Variants in DLG2 observed in about 807,000 individuals in gnomAD.
The protein encoded by DLG2 is disks large homolog 2.
DLG2 carries 45 observed loss-of-function variants against 132.5 expected under a neutral mutation model. The observed-to-expected ratio is 0.34, with a 90% CI of 0.27 to 0.44. DLG2 has a LOEUF of 0.44. Among genes scored for constraint, DLG2 ranks in the 20% least tolerant of loss-of-function variants. The probability of loss-of-function intolerance (pLI) is 1.00; values close to 1 mark genes in which losing one functional copy is unlikely to be tolerated. For missense variants in DLG2, 1,045 were observed against 1,196.9 expected (o/e 0.87, Z 1.87); for synonymous variants, 424 against 419.6 (o/e 1.01, Z -0.13).
chr11:84,084,485 T>C (rs2096946879), intron 10 of DLG2, among the ~76,000 whole-genome samples: 1 of 152,078 alleles, frequency 6.6e-6, no homozygotes, highest in Non-Finnish European at 1.5e-5. Flanking sequence ...TCAGAAGATA[T>C]GCAAGATTTT....
At chr11:84,848,344 A>G (rs993957833) in intron 6 of DLG2, among the ~76,000 whole-genome samples, 1 of 151,954 alleles carries the variant, frequency 6.6e-6, no homozygotes, top group African/African-American at 2.4e-5. Flanking sequence ...AAATACAAAA[A>G]TTAGCCAGGC....
intron 6 of DLG2, among the ~76,000 whole-genome samples, chr11:84,917,577 T>G (rs1419329630): frequency 2.0e-5 from 3 of 152,180 alleles, no homozygotes; most frequent in Non-Finnish European, 4.4e-5. Flanking sequence ...GCATAAATCT[T>G]AGGTCATTGG....
rs1257105696 is a variant in DLG2 at position 83,787,313 on chromosome 11, TTTTTTTTTTG to T, written c.1723-531_1723-522del. Among the ~76,000 whole-genome samples the T allele has an allele frequency of 1.5e-4, 13 of 84,674 alleles. 1 individual carries two copies. Among genetic ancestry groups the T allele is most frequent in the African/African-American group, 4.4e-4 (6 of 13,606 alleles). The allele number at this position is 84,674 out of a possible 152,430, so 55.5% of individuals were successfully genotyped here. On this transcript the variant is annotated intron_variant, in intron 17 of 27. Transcript: ENST00000376104. ...CCTGGTTAGACAGCCTTAAGCCTTG[TTTTTTTTTTG>T]TTTTTTTTTTTTTTTTTAGACAGAG...
At chr11:84,581,885 G>A (rs562081118) in intron 6 of DLG2, among the ~76,000 whole-genome samples, 3 of 125,108 alleles carry the variant, frequency 2.4e-5, no homozygotes, top group Non-Finnish European at 4.7e-5. Context: ...CTAGCCTGGC[G>A]ACACAGTGAG....
intron 6 of DLG2, among the ~76,000 whole-genome samples, chr11:84,733,761 A>G (rs2063466875): frequency 6.6e-6 from 1 of 152,128 alleles, no homozygotes; most frequent in Admixed American, 6.5e-5. Context: ...TAGGGTTTTT[A>G]TGGTTTTAGG....
chr11:84,707,378 T>A (rs1337126945), intron 6 of DLG2, among the ~76,000 whole-genome samples: 1 of 151,806 alleles, frequency 6.6e-6, no homozygotes, highest in Non-Finnish European at 1.5e-5. Context: ...CACATGCAAA[T>A]TCTTGCTGAG....
intron 7 of DLG2, among the ~76,000 whole-genome samples, chr11:84,362,555 A>T (rs943686251): frequency 6.6e-6 from 1 of 151,780 alleles, no homozygotes; most frequent in Non-Finnish European, 1.5e-5. Flanking sequence ...CATGTGCACA[A>T]TGTGCAGGTT....
At chr11:84,879,669 G>A (rs533573172) in intron 6 of DLG2, among the ~76,000 whole-genome samples, 12 of 152,060 alleles carry the variant, frequency 7.9e-5, no homozygotes, top group South Asian at 2.1e-4. Flanking sequence ...GGGCTAGGAC[G>A]TTCAATTGTC....
At chr11:84,000,651 G>A (rs943250702) in intron 11 of DLG2, among the ~76,000 whole-genome samples, 1 of 152,082 alleles carries the variant, frequency 6.6e-6, no homozygotes, top group Admixed American at 6.6e-5. Context: ...ATCTCCACTA[G>A]ACTAAAATTG....
intron 6 of DLG2, among the ~76,000 whole-genome samples, chr11:84,763,852 A>G (rs2068009756): frequency 6.6e-6 from 1 of 152,176 alleles, no homozygotes; most frequent in African/African-American, 2.4e-5. Flanking sequence ...ATATACCTCT[A>G]TAATTTACCT....
At chr11:83,982,118 A>G (rs1164607206) in intron 11 of DLG2, among the ~76,000 whole-genome samples, 1 of 152,230 alleles carries the variant, frequency 6.6e-6, no homozygotes, top group Non-Finnish European at 1.5e-5. Context: ...TATAGCATAT[A>G]CAATTGTAAA....
At chr11:85,382,413 C>A (rs1199451516) in intron 3 of DLG2, among the ~76,000 whole-genome samples, 2 of 151,368 alleles carry the variant, frequency 1.3e-5, no homozygotes, top group South Asian at 2.1e-4. Flanking sequence ...ACTATAAAAC[C>A]CTTAGAAAAT....
chr11:83,847,014 T>C lies in DLG2; in HGVS notation c.1566-13244A>G, dbSNP rs182163469. 9.9e-5 allele frequency among the ~76,000 whole-genome samples: 15 copies of C among 152,116 alleles called. No homozygotes were observed. In the East Asian group the frequency reaches 2.9e-3, roughly 29 times the overall value. On this transcript the variant is annotated intron_variant, in intron 16 of 27. Transcript: ENST00000376104. ...TAATGTTTTGGTTGCCAACTTATTT[T>C]TTAAGTTATATATACTATCCATAAT...
intron 3 of DLG2, among the ~76,000 whole-genome samples, chr11:85,505,265 G>A (rs2093901874): frequency 6.6e-6 from 1 of 152,158 alleles, no homozygotes. Context: ...ATGTTGAATA[G>A]GAGTGGTGAG....
At chr11:85,100,894 A>T (rs552482414) in intron 6 of DLG2, among the ~76,000 whole-genome samples, 2 of 152,194 alleles carry the variant, frequency 1.3e-5, no homozygotes, top group Non-Finnish European at 2.9e-5. Context: ...TTATTGGAGC[A>T]TTATATAGTT....
intron 22 of DLG2, among the ~76,000 whole-genome samples, chr11:83,476,951 A>AGTAAG (rs1209100780): frequency 2.0e-5 from 3 of 152,246 alleles, no homozygotes; most frequent in East Asian, 3.9e-4. Context: ...AGAATAATAG[A>AGTAAG]GTAAGGTGAA....
At chr11:84,297,267 G>A (rs1323572815) in intron 7 of DLG2, among the ~76,000 whole-genome samples, 1 of 152,122 alleles carries the variant, frequency 6.6e-6, no homozygotes, top group Non-Finnish European at 1.5e-5. Context: ...GAGTGAGAGA[G>A]GCAAGTATTG....
chr11:85,559,544 T>G (rs1213872932), intron 3 of DLG2, among the ~76,000 whole-genome samples: 1 of 151,502 alleles, frequency 6.6e-6, no homozygotes, highest in African/African-American at 2.4e-5. Context: ...ATATGTGCTA[T>G]TCTTAAATAA....
chr11:85,239,629 G>A (rs985113454), intron 4 of DLG2, among the ~76,000 whole-genome samples: 5 of 151,880 alleles, frequency 3.3e-5, no homozygotes, highest in Admixed American at 2.0e-4. Flanking sequence ...TAAATATAGT[G>A]GTTTTGACTT....
Sources: gnomAD v4.1 joint callset for allele counts (sites outside exome capture counted in the v4.1 genomes callset) on GRCh38, gnomAD v4.1.1 for gene constraint, MANE v1.5 for transcripts, NCBI Gene and HGNC (gene_info 2026-07-23, HGNC 2026-07-21) for gene names.